Variants in ALK observed in about 807,000 individuals in gnomAD.
ALK encodes ALK receptor tyrosine kinase, also known as ALK tyrosine kinase receptor.
A neutral mutation model predicts 163.1 loss-of-function variants in ALK; 74 were observed. That is an observed-to-expected ratio of 0.45 (90% CI 0.38 to 0.55). ALK has a LOEUF of 0.55. Ranked by LOEUF, ALK falls within the 20% of genes least tolerant of loss-of-function variation. The probability of loss-of-function intolerance (pLI) is 0.00; values close to 1 mark genes in which losing one functional copy is unlikely to be tolerated. For synonymous variants in ALK, 960 were observed against 843.2 expected (o/e 1.14, Z -2.40); for missense variants, 2,063 against 2,105.3 (o/e 0.98, Z 0.39).
At chr2:29,308,937 C>G (rs1666620880) in intron 8 of ALK, among the ~76,000 whole-genome samples, 1 of 151,378 alleles carries the variant, frequency 6.6e-6, no homozygotes, top group Non-Finnish European at 1.5e-5. Flanking sequence ...CTTCTGGGTT[C>G]CCTAGAGAAT....
At chr2:29,244,163 C>T (rs555051764) in intron 12 of ALK, among the ~76,000 whole-genome samples, 2 of 152,346 alleles carry the variant, frequency 1.3e-5, no homozygotes, top group South Asian at 2.1e-4. Flanking sequence ...CAGAAGCACC[C>T]CATTCCTTTC....
chr2:29,755,472 T>C (rs1680493001), intron 1 of ALK, among the ~76,000 whole-genome samples: 1 of 152,184 alleles, frequency 6.6e-6, no homozygotes, highest in South Asian at 2.1e-4. Context: ...CTGCAGACTA[T>C]CTCAGGTAAC....
chr2:29,596,057 A>C (rs1675205103), intron 3 of ALK, among the ~76,000 whole-genome samples: 1 of 152,222 alleles, frequency 6.6e-6, no homozygotes, highest in South Asian at 2.1e-4. Context: ...ATGTACATAC[A>C]TCACCTAATA....
chr2:29,260,651 A>G (rs978736763), intron 11 of ALK, among the ~76,000 whole-genome samples: 3 of 151,890 alleles, frequency 2.0e-5, no homozygotes, highest in Non-Finnish European at 2.9e-5. Flanking sequence ...AGACTGGCCA[A>G]CGTGGTAAAA....
intron 4 of ALK, among the ~76,000 whole-genome samples, chr2:29,493,891 G>A (rs898141270): frequency 6.6e-6 from 1 of 152,180 alleles, no homozygotes; most frequent in Non-Finnish European, 1.5e-5. Context: ...AGGATGAAAC[G>A]GCCTCAAGCA....
At chr2:29,734,015 C>T (rs181653376) in intron 1 of ALK, among the ~76,000 whole-genome samples, 231 of 152,130 alleles carry the variant, frequency 1.5e-3, no homozygotes, top group African/African-American at 3.6e-3. Flanking sequence ...AGCTGTCAGT[C>T]TGCGAGCCAG....
rs11889726 is a variant in ALK at position 29,891,299 on chromosome 2, T to G, written c.667+28694A>C. Among the ~76,000 whole-genome samples the G allele has an allele frequency of 4.0e-3, 613 of 152,294 alleles. 7 individuals are homozygous for G. The highest frequency in any genetic ancestry group is 0.014 in the African/African-American group (571 of 41,562). On this transcript the variant is annotated intron_variant, in intron 1 of 28. Coordinates refer to ENST00000389048, the MANE Select transcript of ALK (RefSeq NM_004304.5). ...ATTAGGCATGCACAGTTTAAGGATG[T>G]CTTGCAGCAGATTTTTAAAAAGAGG...
intron 1 of ALK, among the ~76,000 whole-genome samples, chr2:29,783,432 C>T (rs1450095446): frequency 2.0e-5 from 3 of 152,186 alleles, no homozygotes; most frequent in Non-Finnish European, 4.4e-5. Flanking sequence ...AAAGAGCAAA[C>T]TCAGTAAGTG....
At chr2:29,289,737 T>C (rs1476092879) in intron 9 of ALK, among the ~76,000 whole-genome samples, 1 of 152,176 alleles carries the variant, frequency 6.6e-6, no homozygotes, top group Non-Finnish European at 1.5e-5. Flanking sequence ...GTTCCTGGCA[T>C]GTGTCTGCTG....
At chr2:29,667,256 T>A (rs889258828) in intron 3 of ALK, among the ~76,000 whole-genome samples, 5 of 152,226 alleles carry the variant, frequency 3.3e-5, no homozygotes, top group African/African-American at 9.6e-5. Flanking sequence ...AGGAAACTTC[T>A]TACTGTTCTC....
chr2:29,808,697 GGCCTTCTGGTGGCTGATCACT>G (rs1664678464), intron 1 of ALK, among the ~76,000 whole-genome samples: 1 of 152,154 alleles, frequency 6.6e-6, no homozygotes, highest in Non-Finnish European at 1.5e-5. Flanking sequence ...CAGGGTTTTG[GGCCTTCTGGTGGCTGATCACT>G]GCCTTTCCAC....
intron 3 of ALK, among the ~76,000 whole-genome samples, chr2:29,692,552 T>G (rs1004013147): frequency 6.6e-6 from 1 of 152,222 alleles, no homozygotes; most frequent in African/African-American, 2.4e-5. Context: ...GTGTGCACAG[T>G]GCACAATACG....
At chr2:29,419,180 G>A (rs1029780741) in intron 4 of ALK, among the ~76,000 whole-genome samples, 6 of 151,182 alleles carry the variant, frequency 4.0e-5, no homozygotes, top group African/African-American at 1.2e-4. Flanking sequence ...TCAGCCTCCC[G>A]AGTAGCTGGG....
At chr2:29,503,147 C>T (rs2148133591) in intron 4 of ALK, among the ~76,000 whole-genome samples, 1 of 152,296 alleles carries the variant, frequency 6.6e-6, no homozygotes, top group African/African-American at 2.4e-5. Context: ...TTATAGTTTT[C>T]AAACTATTTT....
chr2:29,550,351 C>T (rs972378752), intron 3 of ALK, among the ~76,000 whole-genome samples: 11 of 152,268 alleles, frequency 7.2e-5, no homozygotes, highest in African/African-American at 2.6e-4. Flanking sequence ...ATGAAGATGA[C>T]TAGACAGCTA....
At chr2:29,257,333 G>T (rs555341770) in intron 11 of ALK, among the ~76,000 whole-genome samples, 12 of 151,950 alleles carry the variant, frequency 7.9e-5, no homozygotes, top group African/African-American at 2.4e-4. Flanking sequence ...ACTGTATAAA[G>T]AACCCACAAA....
chr2:29,207,924 G>T, intron 25 of ALK: 2 of 380,388 alleles, frequency 5.3e-6, no homozygotes, highest in East Asian at 1.5e-4. Flanking sequence ...TAGGCCAATT[G>T]CATGTCTAGC....
At chr2:29,276,345 C>T (rs1256592674) in intron 9 of ALK, among the ~76,000 whole-genome samples, 1 of 152,222 alleles carries the variant, frequency 6.6e-6, no homozygotes, top group African/African-American at 2.4e-5. Flanking sequence ...GGTTCTCAGA[C>T]TGTGGCCAGG....
intron 26 of ALK, among the ~76,000 whole-genome samples, chr2:29,200,821 A>G (rs1401543103): frequency 1.4e-5 from 2 of 146,968 alleles, no homozygotes; most frequent in African/African-American, 2.5e-5. Context: ...GTATATACAT[A>G]TATACGTATA....
Sources: allele counts gnomAD v4.1 joint callset (sites outside exome capture counted in the v4.1 genomes callset), GRCh38; gene constraint gnomAD v4.1.1; transcripts MANE v1.5; gene names NCBI Gene and HGNC (gene_info 2026-07-23, HGNC 2026-07-21).